The following KBTBD12 variants were observed in gnomAD, a reference collection of about 807,000 sequenced individuals.
KBTBD12 encodes kelch repeat and BTB domain-containing protein 12.
Under a neutral mutation model 58.7 loss-of-function variants are expected in KBTBD12, and 53 were observed. That is an observed-to-expected ratio of 0.90 (90% CI 0.72 to 1.14). The LOEUF (loss-of-function observed/expected upper bound fraction) is 1.14, where lower values mean the gene tolerates loss of function less well. KBTBD12 is among the 50% of genes most tolerant of loss of function. The pLI is 0.00. For synonymous variants in KBTBD12, 236 were observed against 259.8 expected (o/e 0.91, Z 0.88); for missense variants, 704 against 751.3 (o/e 0.94, Z 0.74).
In KBTBD12 at chr3:127,986,511, GTCTC is replaced by G. The variant is rs1300905393; in HGVS notation, c.*2242_*2245del. ...TTTTTTTTTTTTTTTTTGAGACGGA[GTCTC>G]TCTCTCTCGCCAGGCTGGAGTGCAG... On this transcript the variant is annotated 3_prime_UTR_variant, in exon 6 of 6. Transcript: ENST00000405109. The G allele has an allele frequency of 6.8e-6, 1 of 147,400 alleles. No homozygotes were observed. Among genetic ancestry groups the G allele is most frequent in the African/African-American group, 2.5e-5 (1 of 39,628 alleles). 9.1% of individuals were successfully genotyped at this position (147,400 alleles called of 1,614,324 possible). A position where few individuals can be genotyped will look rare whatever the true frequency, so the allele number is the denominator to read the frequency against.
At position 127,963,247 on chromosome 3, in the gene KBTBD12, G is replaced by A. The variant is rs780934742; in HGVS notation, c.1551G>A (p.Val517=). 6.2e-7 allele frequency: 1 copy of A among 1,612,726 alleles called. No individual in the cohort carries two copies. Among genetic ancestry groups the A allele is most frequent in the Non-Finnish European group, 8.5e-7 (1 of 1,179,504 alleles). The part of the protein sequence containing the change: ...KGQVRKCLDV[V]EIYNPDGDFW... ...AGGTTCGAAAATGCCTTGACGTGGT[G>A]GAGATCTACAACCCAGATGGGGACT... The change falls in exon 5 of 6, where the codon GTG becomes GTA. Residue 517 remains valine, a synonymous_variant. Transcript: ENST00000405109.
Position 127,981,679 on chromosome 3 carries a change from C to A in KBTBD12, c.1691-2418C>A, listed in dbSNP as rs545994665. 8.7e-4 allele frequency among the ~76,000 whole-genome samples: 133 copies of A among 152,268 alleles called. 1 individual carries two copies. Among genetic ancestry groups the A allele is most frequent in the Middle Eastern group, 6.8e-3 (2 of 294 alleles). On this transcript the variant is annotated intron_variant, in intron 5 of 5. Coordinates refer to ENST00000405109, the MANE Select transcript of KBTBD12 (RefSeq NM_207335.4). ...CTTTTTGGCCAGCCACGGTGGCTCACACTTGTAATCCCAGCAGTTTGGGAG... is the reference window on the plus strand; with the variant it reads ...CTTTTTGGCCAGCCACGGTGGCTCAAACTTGTAATCCCAGCAGTTTGGGAG...
chr3:127,923,266 C>A lies in KBTBD12; in HGVS notation c.205C>A (p.Gln69Lys). 2 of 1,613,682 alleles carry A rather than the reference C, an allele frequency of 1.2e-6. No homozygotes were observed. The highest frequency in any genetic ancestry group is 8.5e-7 in the Non-Finnish European group (1 of 1,179,740). ...MFTCGLLECN[Q>K]REVILYDITA... Reference sequence around the variant, plus strand: ...CACCTGTGGACTACTTGAATGTAATCAAAGGGAAGTCATACTTTATGACAT... The same window carrying A: ...CACCTGTGGACTACTTGAATGTAATAAAAGGGAAGTCATACTTTATGACAT... Residue 69 changes from glutamine (Q) to lysine (K), a missense_variant, in exon 2 of 6, where the codon CAA (glutamine) becomes AAA (lysine). Coordinates refer to ENST00000405109, the MANE Select transcript of KBTBD12 (RefSeq NM_207335.4).
chr3:127,946,666 T>C (rs566502640), intron 4 of KBTBD12, among the ~76,000 whole-genome samples: 3 of 152,342 alleles, frequency 2.0e-5, no homozygotes, highest in African/African-American at 7.2e-5. Context: ...GATTGATGTT[T>C]TCATCTGTTT....
rs1238760533 is a variant in KBTBD12, at chr3:127,923,447, A to C, written c.386A>C (p.Asp129Ala). 1.9e-6 allele frequency: 3 copies of C among 1,612,020 alleles called. No individual in the cohort carries two copies. The highest frequency in any genetic ancestry group is 2.5e-6 in the Non-Finnish European group (3 of 1,179,682). ...CAAAAATATATGATGGACCACATGG[A>C]TGCCTCCAACTGTTTAGGTATCTAT... ...VCQKYMMDHM[D>A]ASNCLGIYYF... is the part of the protein sequence containing the mutation. The change falls in exon 2 of 6, where the codon GAT becomes GCT. Residue 129 changes from aspartate to alanine, a missense_variant. Physicochemically the swap from Asp to Ala is moderately radical, Grantham distance 126. Coordinates refer to ENST00000405109, the MANE Select transcript of KBTBD12 (RefSeq NM_207335.4).
At chr3:127,939,827 C>A (rs1416052915) in intron 4 of KBTBD12, among the ~76,000 whole-genome samples, 1 of 151,982 alleles carries the variant, frequency 6.6e-6, no homozygotes, top group Admixed American at 6.6e-5. Context: ...GAATGGATTA[C>A]AAATAGAATG....
intron 4 of KBTBD12, among the ~76,000 whole-genome samples, chr3:127,935,185 GAAGTTGAAATGTCCT>G (rs2107595878): frequency 1.3e-5 from 2 of 152,276 alleles, no homozygotes; most frequent in East Asian, 3.9e-4. Flanking sequence ...AGCCCATCAT[GAAGTTGAAATGTCCT>G]AAGTTGAAAT....
intron 4 of KBTBD12, among the ~76,000 whole-genome samples, chr3:127,958,262 A>G (rs955472130): frequency 6.6e-6 from 1 of 152,018 alleles, no homozygotes; most frequent in Admixed American, 6.5e-5. Context: ...TGCTGAGAGG[A>G]GGGCTGTGGT....
Position 127,969,570 on chromosome 3 carries a change from T to C in KBTBD12, c.1690+6184T>C, listed in dbSNP as rs1940645777. The stretch of plus-strand genomic sequence containing the variant: ...CACTTCCTAATTCTGAAGCTTTACT[T>C]CAAAGCTATAGTAGTCAAGACCATG... On this transcript the variant is annotated intron_variant, in intron 5 of 5. Coordinates refer to ENST00000405109, the MANE Select transcript of KBTBD12 (RefSeq NM_207335.4). Among the ~76,000 whole-genome samples the C allele has an allele frequency of 1.3e-5, 2 of 152,152 alleles. 1 individual carries two copies.
chr3:127,973,331 G>GA (rs1559775389), intron 5 of KBTBD12, among the ~76,000 whole-genome samples: 1 of 151,922 alleles, frequency 6.6e-6, no homozygotes, highest in East Asian at 1.9e-4. Flanking sequence ...ATGTCACAGG[G>GA]AAAAAAACCC....
chr3:127,943,678 A>G (rs1940009309), intron 4 of KBTBD12, among the ~76,000 whole-genome samples: 1 of 151,834 alleles, frequency 6.6e-6, no homozygotes, highest in South Asian at 2.1e-4. Flanking sequence ...TCTATACAGA[A>G]GCTTTTTGGT....
At chr3:127,949,270 G>A (rs1285866237) in intron 4 of KBTBD12, among the ~76,000 whole-genome samples, 1 of 152,136 alleles carries the variant, frequency 6.6e-6, no homozygotes, top group African/African-American at 2.4e-5. Context: ...CATACCAATT[G>A]CATTTCATGT....
chr3:127,976,772 T>A (rs1190682081), intron 5 of KBTBD12, among the ~76,000 whole-genome samples: 2 of 152,230 alleles, frequency 1.3e-5, no homozygotes, highest in Non-Finnish European at 2.9e-5. Flanking sequence ...CTTATTCATT[T>A]TTATGTGTGT....
chr3:127,968,490 T>A (rs1940622174), intron 5 of KBTBD12, among the ~76,000 whole-genome samples: 1 of 152,190 alleles, frequency 6.6e-6, no homozygotes, highest in Non-Finnish European at 1.5e-5. Flanking sequence ...CCTTTATGAA[T>A]ATAGATGCAA....
intron 5 of KBTBD12, among the ~76,000 whole-genome samples, chr3:127,977,062 T>G (rs1940796523): frequency 1.3e-5 from 2 of 152,190 alleles, no homozygotes; most frequent in Non-Finnish European, 2.9e-5. Context: ...ACTCAATGTT[T>G]AGCTCCCACT....
At chr3:127,953,978 T>C (rs934672161) in intron 4 of KBTBD12, among the ~76,000 whole-genome samples, 1 of 146,006 alleles carries the variant, frequency 6.8e-6, no homozygotes, top group African/African-American at 2.6e-5. Context: ...CCAGCCAGCT[T>C]TCCTTTTGAC....
At chr3:127,983,332 G>A (rs1940904464) in intron 5 of KBTBD12, among the ~76,000 whole-genome samples, 1 of 152,186 alleles carries the variant, frequency 6.6e-6, no homozygotes, top group African/African-American at 2.4e-5. Flanking sequence ...CAGTGTAGCG[G>A]TGCTGGAGGT....
intron 5 of KBTBD12, among the ~76,000 whole-genome samples, chr3:127,974,626 T>C (rs996619447): frequency 1.3e-5 from 2 of 152,210 alleles, no homozygotes; most frequent in Admixed American, 6.5e-5. Context: ...CCCTGTTCCA[T>C]ACATCTGACC....
In KBTBD12 at chr3:127,967,002, A is replaced by G. The variant is rs575088531; in HGVS notation, c.1690+3616A>G. On this transcript the variant is annotated intron_variant, in intron 5 of 5. Coordinates refer to ENST00000405109, the MANE Select transcript of KBTBD12 (RefSeq NM_207335.4). Reference sequence around the variant, plus strand: ...CCACCTACGATTCTATGCCTGCTGAACTATTAAATTTGAGGGCACATTTTC... The same window carrying G: ...CCACCTACGATTCTATGCCTGCTGAGCTATTAAATTTGAGGGCACATTTTC... Among the ~76,000 whole-genome samples the G allele has an allele frequency of 5.9e-5, 9 of 152,348 alleles. No homozygotes were observed. The South Asian group carries it at 1.9e-3, about 32-fold the overall frequency.
Sources: allele counts gnomAD v4.1 joint callset (sites outside exome capture counted in the v4.1 genomes callset), GRCh38; gene constraint gnomAD v4.1.1; transcripts MANE v1.5; gene names NCBI Gene and HGNC (gene_info 2026-07-23, HGNC 2026-07-21).